FOXJ3: variants seen among roughly 807,000 people sequenced by gnomAD.
FOXJ3 encodes forkhead box protein J3.
FOXJ3 carries 22 observed loss-of-function variants against 76.1 expected under a neutral mutation model. The ratio of observed to expected loss-of-function variants is 0.29; its 90% CI spans 0.21 to 0.41. The LOEUF is 0.41. Ranked by LOEUF, FOXJ3 falls within the 10% of genes least tolerant of loss-of-function variation. The pLI is 1.00. For synonymous variants in FOXJ3, 269 were observed against 261.2 expected (o/e 1.03, Z -0.29); for missense variants, 613 against 762.1 (o/e 0.80, Z 2.30).
chr1:42,181,848 C>G (rs902893291), intron 12 of FOXJ3, 69 bp downstream of exon 12: 3 of 1,009,680 alleles, frequency 3.0e-6, no homozygotes, highest in African/African-American at 3.2e-5. Flanking sequence ...CACCTGCCAT[C>G]GTTGTTCCTG....
chr1:42,288,235 G>T (rs944684231), intron 2 of FOXJ3, among the ~76,000 whole-genome samples: 2 of 152,262 alleles, frequency 1.3e-5, no homozygotes, highest in Admixed American at 6.5e-5. Context: ...TTTCGCATAA[G>T]AAGATTCAAC....
chr1:42,231,947 C>A (rs146380897), intron 4 of FOXJ3, among the ~76,000 whole-genome samples: 5 of 152,326 alleles, frequency 3.3e-5, no homozygotes, highest in African/African-American at 1.2e-4. Context: ...ATCCTTCCCC[C>A]CTACCCCCAC....
intron 1 of FOXJ3, among the ~76,000 whole-genome samples, chr1:42,324,810 G>C (rs1655731876): frequency 6.6e-6 from 1 of 152,178 alleles, no homozygotes; most frequent in South Asian, 2.1e-4. Context: ...GAGCTTGCAG[G>C]ACTGGCAGTT....
At chr1:42,239,318 T>A (rs747611835) in intron 4 of FOXJ3, among the ~76,000 whole-genome samples, 1 of 150,152 alleles carries the variant, frequency 6.7e-6, no homozygotes, top group Non-Finnish European at 1.5e-5. Context: ...AATGTAAACA[T>A]CCTTGCTTTG....
At position 42,252,221 on chromosome 1, in the gene FOXJ3, T is replaced by C. The variant is rs534499786; in HGVS notation, c.444+12894A>G. Among the ~76,000 whole-genome samples, 4 of 152,348 alleles carry C rather than the reference T, an allele frequency of 2.6e-5. No homozygotes were observed. In the South Asian group the frequency reaches 8.3e-4, roughly 32 times the overall value. ...TGGTACCAGTTCCTCCTTGTATCTC[T>C]GGTAGAATTTGGCTGTGAATCCATC... is the stretch of plus-strand genomic sequence containing the variant. On this transcript the variant is annotated intron_variant, in intron 4 of 12. Coordinates refer to ENST00000361346, the MANE Select transcript of FOXJ3 (RefSeq NM_014947.5).
chr1:42,257,484 C>G (rs1041970271), intron 4 of FOXJ3, among the ~76,000 whole-genome samples: 2 of 151,874 alleles, frequency 1.3e-5, no homozygotes, highest in Non-Finnish European at 2.9e-5. Context: ...GGGAGGCCAA[C>G]GCGGGTGGAT....
At chr1:42,321,775 C>G (rs772634376) in intron 1 of FOXJ3, among the ~76,000 whole-genome samples, 5 of 152,022 alleles carry the variant, frequency 3.3e-5, no homozygotes, top group Non-Finnish European at 5.9e-5. Flanking sequence ...AGGCCAAAAA[C>G]AGTCAAGTAT....
intron 6 of FOXJ3, among the ~76,000 whole-genome samples, chr1:42,201,347 A>C (rs1646761418): frequency 6.6e-6 from 1 of 152,172 alleles, no homozygotes. Context: ...TCAGTATTTC[A>C]CCATTTAATA....
At chr1:42,224,192 C>A (rs1258699997) in intron 5 of FOXJ3, among the ~76,000 whole-genome samples, 1 of 152,168 alleles carries the variant, frequency 6.6e-6, no homozygotes, top group Non-Finnish European at 1.5e-5. Flanking sequence ...CTACTAGAGT[C>A]TGTCCATTTT....
At chr1:42,194,766 T>A in intron 8 of FOXJ3, 124 bp downstream of exon 8, 1 of 650,762 alleles carries the variant, frequency 1.5e-6, no homozygotes. Context: ...CAAAATACAA[T>A]TACCTGATTC....
chr1:42,212,643 T>C (rs1646986330), intron 5 of FOXJ3, among the ~76,000 whole-genome samples: 1 of 152,112 alleles, frequency 6.6e-6, no homozygotes, highest in Non-Finnish European at 1.5e-5. Flanking sequence ...AAGTTAAAAT[T>C]TGGAAAACCT....
At chr1:42,193,886 C>G (rs1304913809) in intron 8 of FOXJ3, among the ~76,000 whole-genome samples, 1 of 152,088 alleles carries the variant, frequency 6.6e-6, no homozygotes, top group Non-Finnish European at 1.5e-5. Context: ...TTAGGCCTTG[C>G]AAAAGGGGTT....
chr1:42,278,212 C>T, intron 3 of FOXJ3, 136 bp downstream of exon 3: 1 of 689,598 alleles, frequency 1.5e-6, no homozygotes, highest in Non-Finnish European at 2.4e-6. Context: ...AAGCTAAAAA[C>T]TTTTTGACAT....
chr1:42,326,111 C>T (rs1453042384), intron 1 of FOXJ3, among the ~76,000 whole-genome samples: 1 of 151,950 alleles, frequency 6.6e-6, no homozygotes, highest in Non-Finnish European at 1.5e-5. Flanking sequence ...ATTAGCCAGG[C>T]GTGATGGCAG....
chr1:42,282,233 C>T (rs140346041), intron 2 of FOXJ3, among the ~76,000 whole-genome samples: 2 of 152,160 alleles, frequency 1.3e-5, no homozygotes, highest in East Asian at 3.9e-4. Context: ...CATTACCTCA[C>T]CTCATTCCAA....
chr1:42,224,782 T>C (rs967040281), intron 5 of FOXJ3, among the ~76,000 whole-genome samples: 3 of 152,172 alleles, frequency 2.0e-5, no homozygotes, highest in Non-Finnish European at 4.4e-5. Context: ...CACTTCTCTT[T>C]AGCAGTTTAG....
At chr1:42,256,658 T>C (rs950690455) in intron 4 of FOXJ3, among the ~76,000 whole-genome samples, 2 of 152,192 alleles carry the variant, frequency 1.3e-5, no homozygotes, top group African/African-American at 4.8e-5. Context: ...CACAACCACT[T>C]TGGGAAAGGG....
chr1:42,332,851 T>C (rs545116537), intron 1 of FOXJ3, among the ~76,000 whole-genome samples: 1 of 152,344 alleles, frequency 6.6e-6, no homozygotes, highest in Non-Finnish European at 1.5e-5. Context: ...ATTTGTATCT[T>C]TCTCAAATGT....
At chr1:42,250,052 G>C (rs1249496297) in intron 4 of FOXJ3, among the ~76,000 whole-genome samples, 1 of 152,130 alleles carries the variant, frequency 6.6e-6, no homozygotes, top group Non-Finnish European at 1.5e-5. Flanking sequence ...CTGGAGCCTG[G>C]ACTTGAAAAT....
Sources: allele counts gnomAD v4.1 joint callset (sites outside exome capture counted in the v4.1 genomes callset), GRCh38; gene constraint gnomAD v4.1.1; transcripts MANE v1.5; gene names NCBI Gene and HGNC (gene_info 2026-07-23, HGNC 2026-07-21).